Variants in PIAS4 observed in about 807,000 individuals in gnomAD.
PIAS4 encodes protein inhibitor of activated STAT 4.
PIAS4 carries 7 observed loss-of-function variants against 58.0 expected under a neutral mutation model. The ratio of observed to expected loss-of-function variants is 0.12; its 90% CI spans 0.07 to 0.23. The LOEUF is 0.23. PIAS4 is among the 10% of genes least tolerant of loss of function. PIAS4 has a pLI of 1.00. For synonymous variants in PIAS4, 364 were observed against 312.4 expected, an observed-to-expected ratio of 1.17 and a Z score of -1.74; for missense variants, 550 against 709.5, an observed-to-expected ratio of 0.78 and a Z score of 2.55.
intron 1 of PIAS4, among the ~76,000 whole-genome samples, chr19:4,011,711 G>A (rs1308203465): frequency 6.1e-5 from 6 of 97,766 alleles, no homozygotes; most frequent in Admixed American, 5.5e-4. Flanking sequence ...GGTGTGTGGG[G>A]TGTGGAGGTG....
chr19:4,014,968 G>A (rs915907009), intron 2 of PIAS4, among the ~76,000 whole-genome samples: 10 of 152,304 alleles, frequency 6.6e-5, no homozygotes, highest in East Asian at 1.9e-4. Context: ...TGCGGCAGCC[G>A]AGGCTCCTCC....
intron 2 of PIAS4, among the ~76,000 whole-genome samples, chr19:4,020,465 C>T (rs188934276): frequency 1.6e-4 from 24 of 152,288 alleles, no homozygotes; most frequent in African/African-American, 5.8e-4. Context: ...CTCCCGGCCA[C>T]TGCAAGGCTG....
At chr19:4,026,175 C>T (rs2040162472) in intron 3 of PIAS4, among the ~76,000 whole-genome samples, 1 of 147,214 alleles carries the variant, frequency 6.8e-6, no homozygotes, top group African/African-American at 2.6e-5. Context: ...GCTCTGTCGC[C>T]AGGCTGGAGT....
rs1222093550 is a variant in PIAS4, at chr19:4,034,685, G to A, written c.1142+1105G>A. Among the ~76,000 whole-genome samples the A allele has an allele frequency of 5.9e-5, 9 of 152,336 alleles. No individual in the cohort carries two copies. The South Asian group carries it at 1.0e-3, about 18-fold the overall frequency. The stretch of plus-strand genomic sequence containing the variant: ...GGTGCCCGCCTTCCCCCACAGGCCC[G>A]GAGTGGGGCTTGGGCTTGGGGTGGC... On this transcript the variant is annotated intron_variant, in intron 9 of 10. Coordinates refer to ENST00000262971, the MANE Select transcript of PIAS4 (RefSeq NM_015897.4).
intron 1 of PIAS4, among the ~76,000 whole-genome samples, chr19:4,009,412 AGTCCTGAAATGTAACCTCCCGTTTC>A (rs2039972608): frequency 1.3e-5 from 2 of 152,080 alleles, no homozygotes; most frequent in African/African-American, 2.4e-5. Flanking sequence ...AGTGTCCTGG[AGTCCTGAAATGTAACCTCCCGTTTC>A]GGGGCTTGGA....
intron 7 of PIAS4, among the ~76,000 whole-genome samples, chr19:4,030,864 G>A (rs974571168): frequency 6.6e-6 from 1 of 151,874 alleles, no homozygotes; most frequent in African/African-American, 2.4e-5. Flanking sequence ...CTGCAGGCCT[G>A]TCTTATGGAG....
At position 4,033,432 on chromosome 19, in the gene PIAS4, C is replaced by A; in HGVS notation, c.994C>A (p.Arg332=). 3 of 1,554,874 alleles carry A rather than the reference C, an allele frequency of 1.9e-6. No homozygotes were observed. The highest frequency in any genetic ancestry group is 2.4e-5 in the East Asian group (1 of 41,582). Residue 332 remains arginine (R), a synonymous_variant, in exon 9 of 11, where the codon CGG becomes AGG. Coordinates refer to ENST00000262971, the MANE Select transcript of PIAS4 (RefSeq NM_015897.4). ...CCCTCCCCCACAGCTGGTGAAGATG[C>A]GGCTCTCCGTGCCCTGCCGGGCAGA... ...VSLICPLVKM[R]LSVPCRAETC...
At chr19:4,015,649 C>T (rs542631767) in intron 2 of PIAS4, among the ~76,000 whole-genome samples, 4 of 152,310 alleles carry the variant, frequency 2.6e-5, no homozygotes, top group Non-Finnish European at 4.4e-5. Context: ...GCCATCTGTC[C>T]GCCCTGACCC....
chr19:4,031,142 G>T (rs1474049056), intron 7 of PIAS4, among the ~76,000 whole-genome samples: 2 of 151,900 alleles, frequency 1.3e-5, no homozygotes, highest in South Asian at 4.1e-4. Flanking sequence ...CATGAGCACT[G>T]CCCTCCTGGC....
chr19:4,016,018 G>A (rs2040049957), intron 2 of PIAS4, among the ~76,000 whole-genome samples: 1 of 152,208 alleles, frequency 6.6e-6, no homozygotes. Flanking sequence ...GCGGAGAACG[G>A]CCCAAGGTCG....
chr19:4,011,066 C>G (rs984646198), intron 1 of PIAS4, among the ~76,000 whole-genome samples: 1 of 152,250 alleles, frequency 6.6e-6, no homozygotes, highest in Non-Finnish European at 1.5e-5. Context: ...TGGTCTCACC[C>G]TGGGGCAGCC....
rs202213110 is a variant in PIAS4 at position 4,028,491 on chromosome 19, G to A, written c.582-19G>A. 1.9e-6 allele frequency: 3 copies of A among 1,599,172 alleles called. No homozygotes were observed. Among genetic ancestry groups the A allele is most frequent in the East Asian group, 2.2e-5 (1 of 44,740 alleles). ...CTGTGCGCCCCCTCCCCGCCCCATG[G>A]TCCCTGTTGTCGTTGCAGAATCTGT... On this transcript the variant is annotated intron_variant, in intron 4 of 10. Transcript: ENST00000262971.
intron 1 of PIAS4, 101 bp from the exon 2 acceptor site, chr19:4,012,822 G>A: frequency 3.0e-6 from 4 of 1,312,922 alleles, no homozygotes; most frequent in Non-Finnish European, 4.2e-6. Context: ...TTCCTGGCGA[G>A]TGGGTGTCTT....
intron 2 of PIAS4, among the ~76,000 whole-genome samples, chr19:4,014,607 G>A (rs1339280473): frequency 1.3e-5 from 2 of 152,156 alleles, no homozygotes; most frequent in African/African-American, 4.8e-5. Flanking sequence ...CGCCTGCTGG[G>A]TGGGTGCGTG....
At chr19:4,033,372 C>G in intron 8 of PIAS4, 48 bp from the exon 9 acceptor site, 2 of 1,511,536 alleles carry the variant, frequency 1.3e-6, no homozygotes, top group Non-Finnish European at 1.8e-6. Flanking sequence ...ACCGGGCAGG[C>G]GGGCACAACA....
In PIAS4 at chr19:4,037,297, C is replaced by T. The variant is rs191131478; in HGVS notation, c.1143-77C>T. The T allele has an allele frequency of 6.8e-5, 93 of 1,372,198 alleles. No individual in the cohort carries two copies. The African/African-American group carries it at 1.2e-3, about 18-fold the overall frequency. The allele number at this position is 1,372,198 out of a possible 1,614,324, so 85.0% of individuals were successfully genotyped here. A position where few individuals can be genotyped will look rare whatever the true frequency, so the allele number is the denominator to read the frequency against. The stretch of plus-strand genomic sequence containing the variant: ...GAAGTGGGGAGTGCCTGGCTGCATC[C>T]GGGAGGGATGGAGGGCTGGGGAGTT... On this transcript the variant is annotated intron_variant, in intron 9 of 10. Transcript: ENST00000262971. The surrounding 1 kb of genome is among the most constrained non-coding windows in gnomAD (Gnocchi z 5.8).
At chr19:4,024,433 G>A (rs150698102) in intron 3 of PIAS4, among the ~76,000 whole-genome samples, 197 of 152,320 alleles carry the variant, frequency 1.3e-3, no homozygotes, top group African/African-American at 4.5e-3. Flanking sequence ...AGCATTCCTC[G>A]CCTCCACCCA....
In PIAS4 at chr19:4,013,684, C is replaced by T. The variant is rs773358771; in HGVS notation, c.454+335C>T. ...GCTGGAGCCACCTCATCTGGAGGCT[C>T]GACCAGGGCTGGAGCAGGCACATCC... On this transcript the variant is annotated intron_variant, in intron 2 of 10. Coordinates refer to ENST00000262971, the MANE Select transcript of PIAS4 (RefSeq NM_015897.4). This position sits in a 1 kb window ranked among gnomAD's most constrained non-coding sequence, Gnocchi z 5.1. Among the ~76,000 whole-genome samples the T allele has an allele frequency of 3.3e-5, 5 of 152,116 alleles. No individual in the cohort carries two copies. Among genetic ancestry groups the T allele is most frequent in the East Asian group, 3.9e-4 (2 of 5,188 alleles).
rs1002635146 is a variant in PIAS4, at chr19:4,028,607, A to G, written c.672+7A>G. ...CAGCTACTGCTCCGTCCCGGTGAGC[A>G]TGCCCCGCCCCCGCGTCGGCTGCAC... On this transcript the variant is annotated splice_region_variant and intron_variant, in intron 5 of 10. Coordinates refer to ENST00000262971, the MANE Select transcript of PIAS4 (RefSeq NM_015897.4). 2.5e-5 allele frequency: 40 copies of G among 1,612,034 alleles called. No homozygotes were observed. The highest frequency in any genetic ancestry group is 4.0e-5 in the African/African-American group (3 of 74,826).
Sources: allele counts gnomAD v4.1 joint callset (sites outside exome capture counted in the v4.1 genomes callset), GRCh38; gene constraint gnomAD v4.1.1; non-coding constraint Gnocchi (gnomAD v3.1); transcripts MANE v1.5; gene names NCBI Gene and HGNC (gene_info 2026-07-23, HGNC 2026-07-21).